Variants in DCC observed in about 807,000 individuals in gnomAD.
The protein encoded by DCC is DCC netrin 1 receptor, also known as netrin receptor DCC.
DCC carries 58 observed loss-of-function variants against 172.5 expected under a neutral mutation model. The ratio of observed to expected loss-of-function variants is 0.34; its 90% CI spans 0.27 to 0.42. The LOEUF is 0.42. DCC is among the 10% of genes least tolerant of loss of function. The probability of loss-of-function intolerance (pLI) is 1.00; values close to 1 mark genes in which losing one functional copy is unlikely to be tolerated. For synonymous variants in DCC, 709 were observed against 644.5 expected (o/e 1.10, Z -1.52); for missense variants, 1,740 against 1,791.0 (o/e 0.97, Z 0.51).
At chr18:52,521,134 T>A (rs962405487) in intron 1 of DCC, among the ~76,000 whole-genome samples, 1 of 152,174 alleles carries the variant, frequency 6.6e-6, no homozygotes, top group Non-Finnish European at 1.5e-5. Flanking sequence ...ACATTCAGAC[T>A]ATGATGCTCA....
In DCC at chr18:53,002,240, T is replaced by C. The variant is rs28393454; in HGVS notation, c.986-61065T>C. On this transcript the variant is annotated intron_variant, in intron 5 of 28. Transcript: ENST00000442544. ...AGTGTGAATGAGAGCTACCATGTGA[T>C]AGACTGGCCCAAATGATGCTGTCTT... Among the ~76,000 whole-genome samples the C allele has an allele frequency of 5.6e-3, 857 of 152,192 alleles. 9 individuals are homozygous for C. The highest frequency in any genetic ancestry group is 0.02 in the Middle Eastern group (6 of 294).
chr18:52,504,536 G>T (rs1407375782), intron 1 of DCC, among the ~76,000 whole-genome samples: 1 of 152,108 alleles, frequency 6.6e-6, no homozygotes, highest in Non-Finnish European at 1.5e-5. Context: ...CAGTGGCTGT[G>T]GGGTCTTTCC....
chr18:53,058,433 T>C (rs887674995), intron 5 of DCC, among the ~76,000 whole-genome samples: 7 of 152,252 alleles, frequency 4.6e-5, no homozygotes, highest in Admixed American at 3.3e-4. Flanking sequence ...CATAATTTTT[T>C]AAAATGGTAC....
intron 15 of DCC, among the ~76,000 whole-genome samples, chr18:53,380,455 C>A (rs12965192): frequency 0.72 from 108,899 of 152,074 alleles, 39,346 homozygotes; most frequent in Non-Finnish European, 0.75. Context: ...ACAATATTTT[C>A]TTGTTTTTTG....
Position 52,497,297 on chromosome 18 carries a change from A to G in DCC, c.91+156419A>G, listed in dbSNP as rs1185284086. ...AAAAAAAAAATATATATATATATATATATATATATATATATATACACACAC... is the reference window on the plus strand; with the variant it reads ...AAAAAAAAAATATATATATATATATGTATATATATATATATATACACACAC... On this transcript the variant is annotated intron_variant, in intron 1 of 28. Coordinates refer to ENST00000442544, the MANE Select transcript of DCC (RefSeq NM_005215.4). 5.4e-4 allele frequency among the ~76,000 whole-genome samples: 50 copies of G among 93,064 alleles called. 4 individuals are homozygous for G. The highest frequency in any genetic ancestry group is 1.3e-3 in the African/African-American group (34 of 26,296). The allele number at this position is 93,064 out of a possible 152,430, so 61.1% of individuals were successfully genotyped here. A position where few individuals can be genotyped will look rare whatever the true frequency, so the allele number is the denominator to read the frequency against.
intron 1 of DCC, among the ~76,000 whole-genome samples, chr18:52,567,885 A>G (rs938363359): frequency 7.2e-5 from 11 of 152,138 alleles, no homozygotes; most frequent in Admixed American, 7.2e-4. Flanking sequence ...TTTGACTGTG[A>G]TGATAACTAT....
intron 2 of DCC, among the ~76,000 whole-genome samples, chr18:52,826,761 G>A (rs2038517771): frequency 6.6e-6 from 1 of 152,106 alleles, no homozygotes; most frequent in Non-Finnish European, 1.5e-5. Flanking sequence ...TTACAGGTGT[G>A]AGCCACCACA....
chr18:53,375,058 G>T (rs1255407093), intron 15 of DCC, among the ~76,000 whole-genome samples: 1 of 152,148 alleles, frequency 6.6e-6, no homozygotes, highest in Non-Finnish European at 1.5e-5. Flanking sequence ...GCTACTTAAT[G>T]AGCTCTGTTT....
intron 3 of DCC, 125 bp from the exon 4 acceptor site, chr18:52,923,582 T>C (rs2040156105): frequency 3.9e-6 from 3 of 772,306 alleles, no homozygotes; most frequent in Non-Finnish European, 6.7e-6. Context: ...TTTTAGGAGT[T>C]TACAAATTTC....
intron 9 of DCC, among the ~76,000 whole-genome samples, chr18:53,199,899 A>T (rs1355978407): frequency 1.3e-5 from 2 of 152,194 alleles, no homozygotes; most frequent in Non-Finnish European, 2.9e-5. Context: ...AATAATTTGA[A>T]AATCAGATCA....
At chr18:52,624,052 C>T (rs2034528251) in intron 1 of DCC, among the ~76,000 whole-genome samples, 1 of 152,138 alleles carries the variant, frequency 6.6e-6, no homozygotes, top group African/African-American at 2.4e-5. Context: ...ATGGATTCAA[C>T]TTCAAGGGCA....
chr18:52,991,310 T>A (rs571109444), intron 5 of DCC, among the ~76,000 whole-genome samples: 93 of 152,296 alleles, frequency 6.1e-4, no homozygotes, highest in South Asian at 2.9e-3. Context: ...GTCTGCAAAC[T>A]TTTTAGAAGT....
At chr18:52,539,025 G>C (rs1598897486) in intron 1 of DCC, among the ~76,000 whole-genome samples, 1 of 152,162 alleles carries the variant, frequency 6.6e-6, no homozygotes, top group African/African-American at 2.4e-5. Flanking sequence ...GTTCTTTCCA[G>C]ATGGAAAGGA....
intron 16 of DCC, among the ~76,000 whole-genome samples, chr18:53,390,577 A>T (rs1191997738): frequency 6.6e-6 from 1 of 152,176 alleles, no homozygotes; most frequent in East Asian, 1.9e-4. Context: ...TAGAATATGC[A>T]CTACATAATA....
rs529181145 is a variant in DCC, at chr18:52,821,595, T to G, written c.412+69221T>G. The stretch of plus-strand genomic sequence containing the variant: ...TCTAATCCCTCCATTAAGACCAATC[T>G]CATGAAAGTCATCAGTGACCTGCAT... On this transcript the variant is annotated intron_variant, in intron 2 of 28. Coordinates refer to ENST00000442544, the MANE Select transcript of DCC (RefSeq NM_005215.4). Among the ~76,000 whole-genome samples the G allele has an allele frequency of 6.6e-5, 10 of 152,332 alleles. No individual in the cohort carries two copies. In the South Asian group the frequency reaches 1.7e-3, roughly 25 times the overall value.
chr18:53,398,418 T>C (rs1909090381), intron 18 of DCC, among the ~76,000 whole-genome samples: 1 of 152,168 alleles, frequency 6.6e-6, no homozygotes, highest in Admixed American at 6.5e-5. Context: ...TTTTCTATTT[T>C]ACCTGTTATT....
chr18:53,020,201 T>TA (rs949340242), intron 5 of DCC, among the ~76,000 whole-genome samples: 8 of 151,916 alleles, frequency 5.3e-5, no homozygotes, highest in Non-Finnish European at 1.2e-4. Flanking sequence ...CACTTTCAAA[T>TA]AAAAAAAACC....
intron 3 of DCC, among the ~76,000 whole-genome samples, chr18:52,910,567 C>T (rs1207080670): frequency 7.9e-5 from 12 of 152,028 alleles, no homozygotes; most frequent in Non-Finnish European, 1.8e-4. Context: ...TGTGTGATGG[C>T]GAACATGTGA....
In DCC at chr18:53,450,536, G is replaced by C; in HGVS notation, c.3266G>C (p.Ser1089Thr). 6.2e-7 allele frequency: 1 copy of C among 1,614,018 alleles called. No individual in the cohort carries two copies. Among genetic ancestry groups the C allele is most frequent in the Non-Finnish European group, 8.5e-7 (1 of 1,179,994 alleles). Residue 1089 changes from serine (S) to threonine (T), a missense_variant, in exon 23 of 29, where the codon AGT becomes ACT. By Grantham distance (58) the Ser-to-Thr change is moderately conservative. Transcript: ENST00000442544. ...PIGQMHPPHG[S>T]VTPQKNSNLL... The stretch of plus-strand genomic sequence containing the variant: ...GGACAAATGCACCCCCCGCATGGCA[G>C]TGTCACTCCTCAGAAGAACAGCAAC...
Sources: gnomAD v4.1 joint callset for allele counts (sites outside exome capture counted in the v4.1 genomes callset) on GRCh38, gnomAD v4.1.1 for gene constraint, MANE v1.5 for transcripts, NCBI Gene and HGNC (gene_info 2026-07-23, HGNC 2026-07-21) for gene names.